TTC7B: variants seen among roughly 807,000 people sequenced by gnomAD.
TTC7B encodes tetratricopeptide repeat domain 7B, also known as tetratricopeptide repeat protein 7B.
Under a neutral mutation model 106.8 loss-of-function variants are expected in TTC7B, and 28 were observed. The observed-to-expected ratio is 0.26, with a 90% confidence interval of 0.19 to 0.36. The LOEUF (loss-of-function observed/expected upper bound fraction) is 0.36, where lower values mean the gene tolerates loss of function less well. Ranked by LOEUF, TTC7B falls within the 10% of genes least tolerant of loss-of-function variation. The probability of loss-of-function intolerance (pLI) is 1.00; values close to 1 mark genes in which losing one functional copy is unlikely to be tolerated. For synonymous variants in TTC7B, 405 were observed against 430.6 expected, an observed-to-expected ratio of 0.94 and a Z score of 0.74; for missense variants, 862 against 1,076.4, an observed-to-expected ratio of 0.80 and a Z score of 2.79.
At chr14:90,595,431 C>G (rs1259477196) in intron 17 of TTC7B, among the ~76,000 whole-genome samples, 1 of 152,144 alleles carries the variant, frequency 6.6e-6, no homozygotes, top group African/African-American at 2.4e-5. Context: ...AGAATCTATC[C>G]TTGTTTAGAC....
intron 3 of TTC7B, among the ~76,000 whole-genome samples, chr14:90,754,120 C>T (rs904609456): frequency 5.3e-5 from 8 of 152,148 alleles, no homozygotes; most frequent in East Asian, 1.9e-4. Flanking sequence ...GAAAACCCTA[C>T]GAGGGGGGAT....
At chr14:90,684,580 G>C (rs76007812) in intron 7 of TTC7B, among the ~76,000 whole-genome samples, 28,612 of 152,066 alleles carry the variant, frequency 0.19, 2,846 homozygotes, top group Middle Eastern at 0.3. Flanking sequence ...AGAAATATGG[G>C]TGAATAGTTC....
chr14:90,664,786 T>C (rs1373506516), intron 9 of TTC7B, among the ~76,000 whole-genome samples: 1 of 152,096 alleles, frequency 6.6e-6, no homozygotes, highest in African/African-American at 2.4e-5. Flanking sequence ...AGCTCCTCAC[T>C]CCCAGCCATG....
At chr14:90,598,664 C>G (rs1892310841) in intron 17 of TTC7B, among the ~76,000 whole-genome samples, 1 of 152,336 alleles carries the variant, frequency 6.6e-6, no homozygotes, top group East Asian at 1.9e-4. Flanking sequence ...ACCCTGCCTG[C>G]CCCAAGTAGG....
intron 1 of TTC7B, among the ~76,000 whole-genome samples, chr14:90,789,673 G>C (rs1891512573): frequency 1.3e-5 from 2 of 151,924 alleles, no homozygotes; most frequent in Non-Finnish European, 2.9e-5. Context: ...AGGGCAGGTG[G>C]ATCATGAGGT....
At position 90,759,209 on chromosome 14, in the gene TTC7B, T is replaced by C. The variant is rs1349958218; in HGVS notation, c.446-14287A>G. Among the ~76,000 whole-genome samples the C allele has an allele frequency of 6.6e-6, 1 of 152,122 alleles. No homozygotes were observed. Among genetic ancestry groups the C allele is most frequent in the Non-Finnish European group, 1.5e-5 (1 of 68,010 alleles). On this transcript the variant is annotated intron_variant, in intron 3 of 19. Transcript: ENST00000328459. The surrounding 1 kb of genome is among the most constrained non-coding windows in gnomAD (Gnocchi z 4.1). The stretch of plus-strand genomic sequence containing the variant: ...CTCTCTCCTTCTCCACAGAACAATC[T>C]GTGTTCTGCTCCCGCCCCCGAGAGA...
chr14:90,541,237 A>C lies in TTC7B; in HGVS notation c.*131T>G, dbSNP rs1314882240. 3.7e-6 allele frequency: 3 copies of C among 818,792 alleles called. No homozygotes were observed. The highest frequency in any genetic ancestry group is 5.5e-6 in the Non-Finnish European group (3 of 548,462). 50.7% of individuals were successfully genotyped at this position (818,792 alleles called of 1,614,324 possible). On this transcript the variant is annotated 3_prime_UTR_variant, in exon 20 of 20. Coordinates refer to ENST00000328459, the MANE Select transcript of TTC7B (RefSeq NM_001010854.2). ...GATTCGGGGTTGGTTTGGTTGGTTC[A>C]CTGTGGCCCACTGAACACTCGTCCC...
In TTC7B at chr14:90,579,156, T is replaced by A. The variant is rs78489597; in HGVS notation, c.2108-848A>T. The stretch of plus-strand genomic sequence containing the variant: ...CCGAGGGCCTCTTCTCCTGAGGCCT[T>A]GCCAATTGAGGCACCACCATCTTTC... On this transcript the variant is annotated intron_variant, in intron 18 of 19. Coordinates refer to ENST00000328459, the MANE Select transcript of TTC7B (RefSeq NM_001010854.2). Among the ~76,000 whole-genome samples, 459 of 152,320 alleles carry A rather than the reference T, an allele frequency of 3.0e-3. 15 individuals are homozygous for A. In the East Asian group the frequency reaches 0.073, roughly 24 times the overall value.
rs113198136 is a variant in TTC7B at position 90,664,612 on chromosome 14, T to C, written c.1153-6225A>G. On this transcript the variant is annotated intron_variant, in intron 9 of 19. Transcript: ENST00000328459. The stretch of plus-strand genomic sequence containing the variant: ...AATGGTTCCAGTGAAAAAGATGCAT[T>C]GATGAAAACGGACTTTTCAGAAGAT... 7.4e-3 allele frequency among the ~76,000 whole-genome samples: 1,128 copies of C among 152,274 alleles called. 16 individuals carry two copies. Among genetic ancestry groups the C allele is most frequent in the African/African-American group, 0.026 (1,077 of 41,548 alleles).
intron 6 of TTC7B, among the ~76,000 whole-genome samples, chr14:90,695,197 G>GTATATTTTATATACATT (rs1566840891): frequency 9.4e-4 from 49 of 52,224 alleles, no homozygotes; most frequent in Non-Finnish European, 1.3e-3. Context: ...ATACATTTTA[G>GTATATTTTATATACATT]TATAAAACAT....
Position 90,608,948 on chromosome 14 carries a change from G to A in TTC7B, c.1966+1794C>T, listed in dbSNP as rs536292705. On this transcript the variant is annotated intron_variant, in intron 17 of 19. Coordinates refer to ENST00000328459, the MANE Select transcript of TTC7B (RefSeq NM_001010854.2). This position sits in a 1 kb window ranked among gnomAD's most constrained non-coding sequence, Gnocchi z 5.1. ...GGAGGGAGAAAAGTGGGGAGACGGC[G>A]CTGGGTAGCCACAGCAGCTGTTTTG... Among the ~76,000 whole-genome samples the A allele has an allele frequency of 1.2e-4, 19 of 152,318 alleles. No homozygotes were observed. Among genetic ancestry groups the A allele is most frequent in the South Asian group, 4.1e-4 (2 of 4,822 alleles).
At chr14:90,604,254 A>T (rs769181025) in intron 17 of TTC7B, among the ~76,000 whole-genome samples, 1 of 152,216 alleles carries the variant, frequency 6.6e-6, no homozygotes, top group African/African-American at 2.4e-5. Flanking sequence ...AATGTAAAGA[A>T]TTTTTCTAGA....
chr14:90,811,877 G>A (rs2030918297), intron 1 of TTC7B, among the ~76,000 whole-genome samples: 1 of 152,216 alleles, frequency 6.6e-6, no homozygotes, highest in Non-Finnish European at 1.5e-5. Context: ...AGAAAAGGGA[G>A]CAGCCGTCCG....
At chr14:90,617,888 C>G in intron 16 of TTC7B, 41 bp downstream of exon 16, 3 of 1,509,898 alleles carry the variant, frequency 2.0e-6, no homozygotes, top group Middle Eastern at 2.1e-4. Context: ...GGCAGGGACC[C>G]ATGCAAAAGC....
chr14:90,793,248 G>T (rs1476049772), intron 1 of TTC7B, among the ~76,000 whole-genome samples: 1 of 152,114 alleles, frequency 6.6e-6, no homozygotes, highest in Non-Finnish European at 1.5e-5. Context: ...TCCTGGCCAG[G>T]CACAGTGGCT....
At chr14:90,672,597 C>T (rs1886675778) in intron 9 of TTC7B, among the ~76,000 whole-genome samples, 1 of 152,254 alleles carries the variant, frequency 6.6e-6, no homozygotes, top group South Asian at 2.1e-4. Context: ...ATCCATTGTT[C>T]ATAATCTCTT....
At chr14:90,612,734 C>T (rs1305058887) in intron 16 of TTC7B, among the ~76,000 whole-genome samples, 1 of 152,218 alleles carries the variant, frequency 6.6e-6, no homozygotes, top group African/African-American at 2.4e-5. Flanking sequence ...AGATGGAGCA[C>T]TCTGAAGACT....
intron 18 of TTC7B, among the ~76,000 whole-genome samples, chr14:90,583,768 A>G (rs1891602251): frequency 6.6e-6 from 1 of 152,164 alleles, no homozygotes; most frequent in African/African-American, 2.4e-5. Flanking sequence ...TAAGCTCTGA[A>G]TGTTCTCTTA....
chr14:90,556,164 G>A (rs765739907), intron 19 of TTC7B, among the ~76,000 whole-genome samples: 9 of 152,370 alleles, frequency 5.9e-5, no homozygotes, highest in East Asian at 1.9e-4. Flanking sequence ...TGGCGGCAGC[G>A]CTGGCTGGGT....
Sources: allele counts gnomAD v4.1 joint callset (sites outside exome capture counted in the v4.1 genomes callset), GRCh38; gene constraint gnomAD v4.1.1; non-coding constraint Gnocchi (gnomAD v3.1); transcripts MANE v1.5; gene names NCBI Gene and HGNC (gene_info 2026-07-23, HGNC 2026-07-21).